The following PREX2 variants were observed in gnomAD, a reference collection of about 807,000 sequenced individuals.
PREX2 encodes the protein phosphatidylinositol 3,4,5-trisphosphate-dependent Rac exchanger 2 protein.
PREX2 carries 107 observed loss-of-function variants against 203.2 expected under a neutral mutation model. That is an observed-to-expected ratio of 0.53 (90% CI 0.45 to 0.62). The LOEUF (loss-of-function observed/expected upper bound fraction) is 0.62. PREX2 is among the 20% of genes least tolerant of loss of function. The pLI is 0.00. For synonymous variants in PREX2, 672 were observed against 663.6 expected, an observed-to-expected ratio of 1.01 and a Z score of -0.19; for missense variants, 1,777 against 1,955.9, an observed-to-expected ratio of 0.91 and a Z score of 1.72.
At chr8:68,052,968 A>G in intron 8 of PREX2, 129 bp from the exon 9 acceptor site, 1 of 734,042 alleles carries the variant, frequency 1.4e-6, no homozygotes, top group Middle Eastern at 4.0e-4. Flanking sequence ...TTTTCAATAT[A>G]CATATGTAAA....
At chr8:68,126,532 T>C (rs958682482) in intron 30 of PREX2, among the ~76,000 whole-genome samples, 1 of 152,116 alleles carries the variant, frequency 6.6e-6, no homozygotes, top group Non-Finnish European at 1.5e-5. Context: ...GCTTTCAGTC[T>C]CACTTGTAAA....
intron 11 of PREX2, 148 bp downstream of exon 11, chr8:68,060,927 A>C (rs555964773): frequency 1.7e-6 from 1 of 584,954 alleles, no homozygotes; most frequent in Non-Finnish European, 3.0e-6. Context: ...AGTGTAGAAC[A>C]GTGTCTCAGG....
At chr8:68,081,906 A>AG (rs927474285) in intron 17 of PREX2, among the ~76,000 whole-genome samples, 3 of 150,702 alleles carry the variant, frequency 2.0e-5, no homozygotes, top group Non-Finnish European at 4.4e-5. Flanking sequence ...CATGTTGGCC[A>AG]GGCTGGTCTC....
chr8:68,027,110 A>T, intron 4 of PREX2, 112 bp from the exon 5 acceptor site: 2 of 744,380 alleles, frequency 2.7e-6, no homozygotes, highest in East Asian at 2.6e-5. Flanking sequence ...TTAGAGAAAG[A>T]AAGTATATGA....
chr8:68,046,184 T>C (rs1015265304), intron 8 of PREX2, among the ~76,000 whole-genome samples: 9 of 152,090 alleles, frequency 5.9e-5, no homozygotes, highest in South Asian at 2.1e-4. Context: ...TCCTGAGAGA[T>C]TGAATATCCA....
intron 1 of PREX2, among the ~76,000 whole-genome samples, chr8:67,982,725 C>T (rs1424054106): frequency 3.3e-5 from 5 of 152,122 alleles, no homozygotes; most frequent in Non-Finnish European, 7.3e-5. Context: ...TGCATACAGC[C>T]TCTCAAAGCC....
chr8:68,192,321 CT>C lies in PREX2; in HGVS notation c.4414-7del, dbSNP rs753312976. On this transcript the variant is annotated splice_polypyrimidine_tract_variant and intron_variant, in intron 36 of 39. Transcript: ENST00000288368. ...AACATGTTGAACTTGACGTTCATCA[CT>C]TTTTTTCTGCAGCTAATGAGGCCTC... The C allele has an allele frequency of 3.8e-6, 6 of 1,570,656 alleles. No individual in the cohort carries two copies. Among genetic ancestry groups the C allele is most frequent in the Admixed American group, 3.7e-5 (2 of 54,502 alleles).
At chr8:68,126,021 T>C (rs1421575984) in intron 30 of PREX2, among the ~76,000 whole-genome samples, 1 of 152,112 alleles carries the variant, frequency 6.6e-6, no homozygotes, top group African/African-American at 2.4e-5. Flanking sequence ...ACTAAACACA[T>C]TGATCTGTTA....
rs547945465 is a variant in PREX2 at position 68,027,765 on chromosome 8, A to G, written c.543+442A>G. The stretch of plus-strand genomic sequence containing the variant: ...TGCATAACTAGGATTTAAAATTATT[A>G]TTCAAGGGAATAGTGTGGGTCACAT... On this transcript the variant is annotated intron_variant, in intron 5 of 39. Coordinates refer to ENST00000288368, the MANE Select transcript of PREX2 (RefSeq NM_024870.4). 1.5e-3 allele frequency among the ~76,000 whole-genome samples: 225 copies of G among 152,250 alleles called. 2 individuals are homozygous for G. Among genetic ancestry groups the G allele is most frequent in the Middle Eastern group, 0.014 (4 of 294 alleles).
At chr8:68,044,929 G>A (rs1808306598) in intron 8 of PREX2, among the ~76,000 whole-genome samples, 1 of 152,064 alleles carries the variant, frequency 6.6e-6, no homozygotes, top group African/African-American at 2.4e-5. Context: ...TGTTTTATAA[G>A]CATATCAGTG....
In PREX2 at chr8:68,235,028, T is replaced by A. The variant is rs1813241501; in HGVS notation, c.*3650T>A. 6.6e-6 allele frequency: 1 copy of A among 152,148 alleles called. No homozygotes were observed. The highest frequency in any genetic ancestry group is 2.4e-5 in the African/African-American group (1 of 41,454). The allele number at this position is 152,148 out of a possible 1,614,324, so 9.4% of individuals were successfully genotyped here. Reference sequence around the variant, plus strand: ...TTTCAGTCCTTTGGGCTTGTACATTTTATAGACAAAATTAGCATTTATTGA... The same window carrying A: ...TTTCAGTCCTTTGGGCTTGTACATTATATAGACAAAATTAGCATTTATTGA... On this transcript the variant is annotated 3_prime_UTR_variant, in exon 40 of 40. Coordinates refer to ENST00000288368, the MANE Select transcript of PREX2 (RefSeq NM_024870.4).
At chr8:68,190,400 G>A (rs1812268067) in intron 35 of PREX2, among the ~76,000 whole-genome samples, 1 of 152,044 alleles carries the variant, frequency 6.6e-6, no homozygotes, top group South Asian at 2.1e-4. Context: ...GGCATAATAT[G>A]CAGCTGTAAA....
chr8:68,099,626 G>C (rs1219709869), intron 22 of PREX2, 56 bp from the exon 23 acceptor site: 2 of 1,496,856 alleles, frequency 1.3e-6, no homozygotes, highest in African/African-American at 1.4e-5. Context: ...TTTTCTATGT[G>C]TGTGTCTGTA....
intron 35 of PREX2, among the ~76,000 whole-genome samples, chr8:68,165,210 A>G (rs919382911): frequency 5.3e-5 from 8 of 152,124 alleles, no homozygotes; most frequent in African/African-American, 1.4e-4. Context: ...ATCAGCATCA[A>G]TAATTCGTCT....
chr8:68,026,514 C>CT (rs575771378), intron 4 of PREX2, among the ~76,000 whole-genome samples: 1,527 of 151,060 alleles, frequency 0.01, 16 homozygotes, highest in African/African-American at 0.027. Context: ...AAGGTAAAGG[C>CT]TTTTTTTTTA....
At chr8:68,135,263 G>C (rs1363844283) in intron 32 of PREX2, among the ~76,000 whole-genome samples, 1 of 152,056 alleles carries the variant, frequency 6.6e-6, no homozygotes, top group African/African-American at 2.4e-5. Flanking sequence ...GTCTAATCAA[G>C]TGCCGGTGCT....
intron 15 of PREX2, among the ~76,000 whole-genome samples, chr8:68,080,001 T>TG: frequency 9.3e-6 from 1 of 107,256 alleles, no homozygotes; most frequent in African/African-American, 3.4e-5. Flanking sequence ...AAGGCAACAC[T>TG]TAACCCATTT....
intron 1 of PREX2, among the ~76,000 whole-genome samples, chr8:67,957,223 G>A (rs547628060): frequency 1.0e-3 from 159 of 152,162 alleles, no homozygotes; most frequent in African/African-American, 3.6e-3. Context: ...CCTTTTGTTA[G>A]TGTAGTCTTC....
At chr8:68,133,434 ATATAT>A (rs1342415710) in intron 31 of PREX2, among the ~76,000 whole-genome samples, 11 of 152,174 alleles carry the variant, frequency 7.2e-5, no homozygotes, top group African/African-American at 2.7e-4. Flanking sequence ...AAAACTATAA[ATATAT>A]TACTTATTTG....
Sources: allele counts gnomAD v4.1 joint callset (sites outside exome capture counted in the v4.1 genomes callset), GRCh38; gene constraint gnomAD v4.1.1; transcripts MANE v1.5; gene names NCBI Gene and HGNC (gene_info 2026-07-23, HGNC 2026-07-21).